NCMAP: variants seen among roughly 807,000 people sequenced by gnomAD.
NCMAP encodes noncompact myelin-associated protein.
A neutral mutation model predicts 7.8 loss-of-function variants in NCMAP; 8 were observed. The observed-to-expected ratio is 1.02, with a 90% CI of 0.60 to 1.84. NCMAP has a LOEUF of 1.84. Ranked by LOEUF, NCMAP falls within the 40% of genes most tolerant of loss-of-function variation. NCMAP has a pLI of 0.00. For synonymous variants in NCMAP, 41 were observed against 52.9 expected (o/e 0.78, Z 0.98); for missense variants, 112 against 131.4 (o/e 0.85, Z 0.72).
intron 2 of NCMAP, among the ~76,000 whole-genome samples, chr1:24,596,761 C>G (rs1652243301): frequency 6.6e-6 from 1 of 152,160 alleles, no homozygotes; most frequent in Non-Finnish European, 1.5e-5. Flanking sequence ...ATCCCATCAA[C>G]TGATGAAAGA....
At chr1:24,569,388 A>G (rs897872332) in intron 1 of NCMAP, among the ~76,000 whole-genome samples, 2 of 150,244 alleles carry the variant, frequency 1.3e-5, no homozygotes, top group Admixed American at 1.3e-4. Context: ...CACTCACCAC[A>G]TCCTACACTT....
chr1:24,595,400 A>G (rs753570995), intron 1 of NCMAP, 24 bp from the exon 2 acceptor site: 1 of 1,551,616 alleles, frequency 6.4e-7, no homozygotes, highest in South Asian at 1.1e-5. Flanking sequence ...ATTTTAAACA[A>G]AATATCTTCT....
At position 24,556,108 on chromosome 1, in the gene NCMAP, G is replaced by T. The variant is rs1650886240; in HGVS notation, c.-69G>T. The T allele has an allele frequency of 1.3e-5, 2 of 153,134 alleles. No individual in the cohort carries two copies. The highest frequency in any genetic ancestry group is 1.9e-4 in the South Asian group (1 of 5,396). The allele number at this position is 153,134 out of a possible 1,614,324, so 9.5% of individuals were successfully genotyped here. On this transcript the variant is annotated 5_prime_UTR_variant, in exon 1 of 4. Transcript: ENST00000374392. ...CAGGGTGGCAGCGCCGGGCGGCGGC[G>T]GGGACCCTGGCTGGGAGCGCGGCGG...
intron 1 of NCMAP, among the ~76,000 whole-genome samples, chr1:24,568,446 T>C (rs6681884): frequency 0.034 from 5,168 of 152,288 alleles, 330 homozygotes; most frequent in African/African-American, 0.12. Flanking sequence ...GATCCATTGC[T>C]GATTTTAACC....
At chr1:24,601,284 C>T (rs1338020760) in intron 3 of NCMAP, among the ~76,000 whole-genome samples, 1 of 152,018 alleles carries the variant, frequency 6.6e-6, no homozygotes, top group East Asian at 1.9e-4. Flanking sequence ...CTGTGGTAAA[C>T]ATTTGTTTGT....
intron 1 of NCMAP, among the ~76,000 whole-genome samples, chr1:24,557,784 C>T (rs926512220): frequency 2.0e-5 from 3 of 152,132 alleles, no homozygotes; most frequent in South Asian, 2.1e-4. Flanking sequence ...TGGCTGGGGC[C>T]GAGATGAGCT....
At chr1:24,562,301 T>C (rs1651077647) in intron 1 of NCMAP, among the ~76,000 whole-genome samples, 1 of 152,258 alleles carries the variant, frequency 6.6e-6, no homozygotes, top group Non-Finnish European at 1.5e-5. Flanking sequence ...CTTTGCAGCC[T>C]TGTCTCCTGA....
intron 3 of NCMAP, among the ~76,000 whole-genome samples, chr1:24,604,586 AAAAAAAAAAAAAAAAAAAAATATAT>A (rs1652621878): frequency 1.8e-5 from 1 of 54,268 alleles, no homozygotes; most frequent in South Asian, 6.0e-4. Flanking sequence ...AAAAAAAAAA[AAAAAAAAAAAAAAAAAAAAATATAT>A]ATATATATAT....
At position 24,579,326 on chromosome 1, in the gene NCMAP, T is replaced by C. The variant is rs570951917; in HGVS notation, c.-7-16098T>C. ...TTTCTTCTTCTCTGTGCATTGTCTC[T>C]ACTTGCCTTAAATGCCTCCATCTGT... On this transcript the variant is annotated intron_variant, in intron 1 of 3. Transcript: ENST00000374392. Among the ~76,000 whole-genome samples, 47 of 152,310 alleles carry C rather than the reference T, an allele frequency of 3.1e-4. 1 individual carries two copies. The highest frequency in any genetic ancestry group is 5.6e-4 in the Non-Finnish European group (38 of 68,030).
intron 1 of NCMAP, among the ~76,000 whole-genome samples, chr1:24,562,146 A>T (rs1207540439): frequency 6.6e-6 from 1 of 152,234 alleles, no homozygotes; most frequent in Non-Finnish European, 1.5e-5. Flanking sequence ...GTTTGCCCAG[A>T]GGATGAAAAG....
At position 24,602,407 on chromosome 1, in the gene NCMAP, AAAAATACAAAAAATTAGCC is replaced by A. The variant is rs1485785878; in HGVS notation, c.167+1384_167+1402del. On this transcript the variant is annotated intron_variant, in intron 3 of 3. Transcript: ENST00000374392. ...ACCACGGTGAAACCCCGTCTCTACT[AAAAATACAAAAAATTAGCC>A]GGGCGCAGTGGTGGGCGCCTGTAGT... Among the ~76,000 whole-genome samples the A allele has an allele frequency of 2.0e-4, 29 of 147,826 alleles. 2 individuals are homozygous for A. The highest frequency in any genetic ancestry group is 7.4e-4 in the African/African-American group (28 of 37,830).
rs1330502084 is a variant in NCMAP, at chr1:24,604,673, A to G, written c.168-933A>G. ...ATATATGTCAGCAAGATGAAATACC[A>G]TGAAGACATGAGAATTCATAATTGT... On this transcript the variant is annotated intron_variant, in intron 3 of 3. Transcript: ENST00000374392. Among the ~76,000 whole-genome samples the G allele has an allele frequency of 3.2e-5, 4 of 125,468 alleles. 1 individual carries two copies. In the Admixed American group the frequency reaches 3.4e-4, roughly 11 times the overall value. The allele number at this position is 125,468 out of a possible 152,430, so 82.3% of individuals were successfully genotyped here.
intron 1 of NCMAP, among the ~76,000 whole-genome samples, chr1:24,562,573 C>G (rs374553060): frequency 5.9e-5 from 9 of 152,216 alleles, no homozygotes; most frequent in African/African-American, 2.2e-4. Flanking sequence ...GACCCCGGAG[C>G]CTGAACTCTT....
rs542403766 is a variant in NCMAP at position 24,578,771 on chromosome 1, C to T, written c.-7-16653C>T. Among the ~76,000 whole-genome samples, 9 of 151,686 alleles carry T rather than the reference C, an allele frequency of 5.9e-5. No homozygotes were observed. In the South Asian group the frequency reaches 8.4e-4, roughly 14 times the overall value. ...TTGTAGAGATTGGGTCCCACTATAC[C>T]GTTCAAGCTGGCCTCAAGCTCCTGG... On this transcript the variant is annotated intron_variant, in intron 1 of 3. Coordinates refer to ENST00000374392, the MANE Select transcript of NCMAP (RefSeq NM_001010980.5).
rs1322287167 is a variant in NCMAP at position 24,568,178 on chromosome 1, C to A, written c.-8+12009C>A. 2.0e-5 allele frequency among the ~76,000 whole-genome samples: 3 copies of A among 152,268 alleles called. No homozygotes were observed. The South Asian group carries it at 6.2e-4, about 32-fold the overall frequency. On this transcript the variant is annotated intron_variant, in intron 1 of 3. Coordinates refer to ENST00000374392, the MANE Select transcript of NCMAP (RefSeq NM_001010980.5). ...CTGTGGTATTTGCTCAGAACCTGAG[C>A]CCGGGGGCAGAGAGCACAGAAATAT...
At chr1:24,568,115 G>A (rs1570515527) in intron 1 of NCMAP, among the ~76,000 whole-genome samples, 1 of 152,304 alleles carries the variant, frequency 6.6e-6, no homozygotes, top group Non-Finnish European at 1.5e-5. Flanking sequence ...GCAACTCACA[G>A]TCCAGAGCTT....
intron 1 of NCMAP, among the ~76,000 whole-genome samples, chr1:24,560,636 C>T (rs891288986): frequency 2.6e-5 from 4 of 151,896 alleles, no homozygotes; most frequent in East Asian, 1.9e-4. Flanking sequence ...CCCAGCTCCT[C>T]GGGAGGCTGA....
At chr1:24,561,730 G>C (rs973101507) in intron 1 of NCMAP, among the ~76,000 whole-genome samples, 2 of 152,180 alleles carry the variant, frequency 1.3e-5, no homozygotes, top group African/African-American at 4.8e-5. Context: ...GGCCAACATA[G>C]TGAAACCCTG....
intron 1 of NCMAP, among the ~76,000 whole-genome samples, chr1:24,569,733 C>G (rs1341580292): frequency 6.6e-6 from 1 of 150,488 alleles, no homozygotes; most frequent in Non-Finnish European, 1.5e-5. Context: ...ATGAGTTATA[C>G]AAATAAAAAT....
Sources: gnomAD v4.1 joint callset for allele counts (sites outside exome capture counted in the v4.1 genomes callset) on GRCh38, gnomAD v4.1.1 for gene constraint, MANE v1.5 for transcripts, NCBI Gene and HGNC (gene_info 2026-07-23, HGNC 2026-07-21) for gene names.